Variants in NFIB observed in about 807,000 individuals in gnomAD.
NFIB encodes the protein nuclear factor 1 B-type.
Under a neutral mutation model 61.5 loss-of-function variants are expected in NFIB, and 11 were observed. The ratio of observed to expected loss-of-function variants is 0.18; its 90% CI spans 0.11 to 0.30. The LOEUF (loss-of-function observed/expected upper bound fraction) is 0.30. NFIB is among the 10% of genes least tolerant of loss of function. NFIB has a pLI of 1.00. For missense variants in NFIB, 471 were observed against 608.9 expected (o/e 0.77, Z 2.38); for synonymous variants, 260 against 216.5 (o/e 1.20, Z -1.76).
chr9:14,197,877 C>T (rs1046790055), intron 2 of NFIB, among the ~76,000 whole-genome samples: 1 of 152,126 alleles, frequency 6.6e-6, no homozygotes, highest in Non-Finnish European at 1.5e-5. Context: ...ACGGCTAGAC[C>T]ATTCTCACCA....
intron 6 of NFIB, among the ~76,000 whole-genome samples, chr9:14,141,902 C>CAAAAAAA (rs1207435536): frequency 5.6e-5 from 3 of 53,576 alleles, no homozygotes; most frequent in Non-Finnish European, 7.3e-5. Flanking sequence ...CTGCTGCTCA[C>CAAAAAAA]AAAAAAAAAA....
chr9:14,155,757 A>T, intron 4 of NFIB, 68 bp downstream of exon 4: 1 of 967,970 alleles, frequency 1.0e-6, no homozygotes, highest in Non-Finnish European at 1.5e-6. Context: ...TACTACATTT[A>T]AGGTTCAAAA....
chr9:14,134,227 T>A (rs909711175), intron 6 of NFIB, among the ~76,000 whole-genome samples: 4 of 152,158 alleles, frequency 2.6e-5, no homozygotes, highest in Admixed American at 6.5e-5. Context: ...AACAATGGAG[T>A]TAAGCCACTC....
At chr9:14,276,775 A>G (rs1476208306) in intron 2 of NFIB, among the ~76,000 whole-genome samples, 1 of 152,100 alleles carries the variant, frequency 6.6e-6, no homozygotes, top group Non-Finnish European at 1.5e-5. Context: ...TTTCTTAGGG[A>G]CTGTTTGCCT....
At chr9:14,472,583 G>A in the NFIB span, among the ~76,000 whole-genome samples, 1 of 152,168 alleles carries the variant, frequency 6.6e-6, no homozygotes, top group Non-Finnish European at 1.5e-5. Context: ...TCTCACGCCT[G>A]TAATCCCAGC....
chr9:14,337,679 G>A (rs2060901059), intron 1 of NFIB, among the ~76,000 whole-genome samples: 1 of 152,200 alleles, frequency 6.6e-6, no homozygotes, highest in Non-Finnish European at 1.5e-5. Context: ...CAGGCCACAC[G>A]TTTCCAACTT....
chr9:14,335,659 G>A (rs1423831623), intron 1 of NFIB, among the ~76,000 whole-genome samples: 1 of 152,128 alleles, frequency 6.6e-6, no homozygotes. Flanking sequence ...CTTCTAACAG[G>A]TTCTTTAGAA....
chr9:14,474,536 AG>A, the NFIB span, among the ~76,000 whole-genome samples: 1 of 152,248 alleles, frequency 6.6e-6, no homozygotes, highest in Non-Finnish European at 1.5e-5. Flanking sequence ...CCATCCTAAT[AG>A]CATTTAAAGT....
chr9:14,153,766 T>A (rs1294101745), intron 4 of NFIB, among the ~76,000 whole-genome samples: 1 of 152,170 alleles, frequency 6.6e-6, no homozygotes, highest in African/African-American at 2.4e-5. Context: ...GATACACACA[T>A]AGTGTTGTGC....
chr9:14,238,137 G>C (rs151194118), intron 2 of NFIB, among the ~76,000 whole-genome samples: 192 of 152,098 alleles, frequency 1.3e-3, no homozygotes, highest in African/African-American at 4.5e-3. Context: ...CTCTGAATGA[G>C]GTAAGGGAGC....
intron 3 of NFIB, among the ~76,000 whole-genome samples, chr9:14,160,511 T>G (rs2044035403): frequency 1.3e-5 from 2 of 152,214 alleles, no homozygotes; most frequent in South Asian, 4.2e-4. Flanking sequence ...ACTATTAATG[T>G]AGATGGTGGA....
chr9:14,147,715 C>T (rs2042423946), intron 5 of NFIB, among the ~76,000 whole-genome samples: 1 of 140,966 alleles, frequency 7.1e-6, no homozygotes, highest in African/African-American at 2.6e-5. Flanking sequence ...AATCTTGGCT[C>T]ACAGCAAACT....
At chr9:14,322,627 C>T (rs2060690139) in intron 1 of NFIB, among the ~76,000 whole-genome samples, 1 of 152,020 alleles carries the variant, frequency 6.6e-6, no homozygotes, top group African/African-American at 2.4e-5. Context: ...GGAAGCGCGG[C>T]TCTTCGCTTC....
intron 10 of NFIB, among the ~76,000 whole-genome samples, chr9:14,109,117 A>T (rs1379945618): frequency 6.6e-6 from 1 of 152,100 alleles, no homozygotes; most frequent in Non-Finnish European, 1.5e-5. Flanking sequence ...TTAGCAACTC[A>T]CTATGAGGTA....
At chr9:14,241,342 A>G (rs2054324051) in intron 2 of NFIB, among the ~76,000 whole-genome samples, 2 of 152,210 alleles carry the variant, frequency 1.3e-5, no homozygotes, top group Non-Finnish European at 2.9e-5. Flanking sequence ...TGTGGCATTT[A>G]TAACTAAAAA....
chr9:14,363,554 T>C (rs756207625), intron 1 of NFIB, among the ~76,000 whole-genome samples: 3 of 151,992 alleles, frequency 2.0e-5, no homozygotes, highest in African/African-American at 4.8e-5. Context: ...GAAACATTTA[T>C]TTTTTTCTGA....
At chr9:14,330,108 C>T (rs1027068762) in intron 1 of NFIB, among the ~76,000 whole-genome samples, 4 of 152,014 alleles carry the variant, frequency 2.6e-5, no homozygotes, top group Non-Finnish European at 5.9e-5. Context: ...GCCTGGGCCA[C>T]AGAGAGAGAC....
chr9:14,416,714 T>G, the NFIB span, among the ~76,000 whole-genome samples: 1 of 151,626 alleles, frequency 6.6e-6, no homozygotes, highest in Middle Eastern at 3.4e-3. Context: ...AAAGAAAAAA[T>G]TTTAATATAA....
In NFIB at chr9:14,313,531, C is replaced by G; in HGVS notation, c.-20G>C. ...CATCATGACTTCGCCTTAAAACGCA[C>G]TTTCCGGGAGATGCCCAAGAAAATC... On this transcript the variant is annotated 5_prime_UTR_variant, in exon 1 of 11. Coordinates refer to ENST00000380953, the MANE Select transcript of NFIB (RefSeq NM_001190737.2). This position sits in a 1 kb window ranked among gnomAD's most constrained non-coding sequence, Gnocchi z 4.5. 6.2e-7 allele frequency: 1 copy of G among 1,613,662 alleles called. No individual in the cohort carries two copies. Among genetic ancestry groups the G allele is most frequent in the South Asian group, 1.1e-5 (1 of 91,010 alleles).
Sources: allele counts gnomAD v4.1 joint callset (sites outside exome capture counted in the v4.1 genomes callset), GRCh38; gene constraint gnomAD v4.1.1; non-coding constraint Gnocchi (gnomAD v3.1); transcripts MANE v1.5; gene names NCBI Gene and HGNC (gene_info 2026-07-23, HGNC 2026-07-21).